THSD4: variants seen among roughly 807,000 people sequenced by gnomAD.
The protein encoded by THSD4 is thrombospondin type-1 domain-containing protein 4.
THSD4 carries 69 observed loss-of-function variants against 119.0 expected under a neutral mutation model. The observed-to-expected ratio is 0.58, with a 90% CI of 0.48 to 0.71. The LOEUF (loss-of-function observed/expected upper bound fraction) is 0.71, where lower values mean the gene tolerates loss of function less well. Ranked by LOEUF, THSD4 falls within the 30% of genes least tolerant of loss-of-function variation. THSD4 has a pLI of 0.00. For synonymous variants in THSD4, 524 were observed against 540.4 expected, an observed-to-expected ratio of 0.97 and a Z score of 0.42; for missense variants, 1,393 against 1,391.1, an observed-to-expected ratio of 1.00 and a Z score of -0.02.
At chr15:71,246,041 T>TTATGTAAG (rs2044196990) in intron 5 of THSD4, among the ~76,000 whole-genome samples, 1 of 152,114 alleles carries the variant, frequency 6.6e-6, no homozygotes, top group Non-Finnish European at 1.5e-5. Flanking sequence ...AATGACCCAA[T>TTATGTAAG]TATGTAAGTA....
At chr15:71,297,933 C>T (rs1160225978) in intron 6 of THSD4, among the ~76,000 whole-genome samples, 1 of 152,078 alleles carries the variant, frequency 6.6e-6, no homozygotes, top group Non-Finnish European at 1.5e-5. Context: ...TCCTTTGATG[C>T]ACAAAAATTT....
At chr15:71,506,901 G>A (rs1467918054) in intron 7 of THSD4, among the ~76,000 whole-genome samples, 1 of 152,236 alleles carries the variant, frequency 6.6e-6, no homozygotes, top group African/African-American at 2.4e-5. Flanking sequence ...AATGTTATCA[G>A]TGTGCCATGC....
At chr15:71,755,134 C>G (rs1323134173) in intron 14 of THSD4, among the ~76,000 whole-genome samples, 1 of 152,228 alleles carries the variant, frequency 6.6e-6, no homozygotes, top group Non-Finnish European at 1.5e-5. Context: ...GCAGAGAGCT[C>G]TTCCTGCATC....
intron 6 of THSD4, among the ~76,000 whole-genome samples, chr15:71,361,784 C>T (rs1188426454): frequency 6.6e-6 from 1 of 152,132 alleles, no homozygotes; most frequent in Non-Finnish European, 1.5e-5. Flanking sequence ...TATATTTCAT[C>T]CATACAAAGG....
rs866390535 is a variant in THSD4, at chr15:71,372,919, C to T, written c.1016-38768C>T. On this transcript the variant is annotated intron_variant, in intron 6 of 17. Transcript: ENST00000261862. The stretch of plus-strand genomic sequence containing the variant: ...GCAGGCCTCCTTGAGCTGCGGTGGG[C>T]TCCACCCAGTTCCAGCTTCCTGGCT... Among the ~76,000 whole-genome samples, 43 of 152,358 alleles carry T rather than the reference C, an allele frequency of 2.8e-4. No homozygotes were observed. The Middle Eastern group carries it at 0.01, about 36-fold the overall frequency.
chr15:71,552,924 G>A (rs544934710), intron 7 of THSD4, among the ~76,000 whole-genome samples: 1 of 152,092 alleles, frequency 6.6e-6, no homozygotes, highest in Non-Finnish European at 1.5e-5. Flanking sequence ...ATGAGCCACC[G>A]CACCAGCCTA....
intron 6 of THSD4, among the ~76,000 whole-genome samples, chr15:71,302,464 C>G (rs1567187775): frequency 6.6e-6 from 1 of 152,130 alleles, no homozygotes; most frequent in Non-Finnish European, 1.5e-5. Context: ...TGGGTTGCTG[C>G]TCAGAGCCGG....
chr15:71,154,405 A>G (rs2040755870), intron 2 of THSD4, among the ~76,000 whole-genome samples: 1 of 152,174 alleles, frequency 6.6e-6, no homozygotes, highest in South Asian at 2.1e-4. Context: ...CTGTAAGGAG[A>G]GGAACTTCCC....
In THSD4 at chr15:71,314,417, C is replaced by T. The variant is rs192971764; in HGVS notation, c.1015+57702C>T. On this transcript the variant is annotated intron_variant, in intron 6 of 17. Transcript: ENST00000261862. ...TGACTCCTGGGTCCAAGCGATTCTC[C>T]TGCCTCAGCCTCCCAGGTAGCTGGG... Among the ~76,000 whole-genome samples the T allele has an allele frequency of 4.2e-3, 641 of 152,248 alleles. 12 individuals are homozygous for T. Among genetic ancestry groups the T allele is most frequent in the African/African-American group, 0.014 (592 of 41,536 alleles).
At chr15:71,466,344 C>CA (rs66981958) in intron 7 of THSD4, among the ~76,000 whole-genome samples, 3,981 of 117,318 alleles carry the variant, frequency 0.034, 147 homozygotes, top group Admixed American at 0.081. Context: ...GACTCCATCT[C>CA]AAAAAAAAAA....
At position 71,589,723 on chromosome 15, in the gene THSD4, G is replaced by C. The variant is rs1009082109; in HGVS notation, c.1153-70807G>C. Among the ~76,000 whole-genome samples, 5 of 139,318 alleles carry C rather than the reference G, an allele frequency of 3.6e-5. 2 individuals carry two copies. Among genetic ancestry groups the C allele is most frequent in the Non-Finnish European group, 8.2e-5 (5 of 61,244 alleles). 91.4% of individuals were successfully genotyped at this position (139,318 alleles called of 152,430 possible). On this transcript the variant is annotated intron_variant, in intron 7 of 17. Coordinates refer to ENST00000261862, the MANE Select transcript of THSD4 (RefSeq NM_024817.3). ...AAAAATACTACCCAGAAAATCCCTT[G>C]TACATGTGTGCACAGAGACGAGTAC...
chr15:71,326,689 AAAAAAAAAAAAATATATAT>A, intron 6 of THSD4, among the ~76,000 whole-genome samples: 1 of 53,426 alleles, frequency 1.9e-5, no homozygotes, highest in African/African-American at 7.2e-5. Flanking sequence ...AAAAAAAAAA[AAAAAAAAAAAAATATATAT>A]ATATATATAT....
chr15:71,582,962 C>T (rs748851652), intron 7 of THSD4, among the ~76,000 whole-genome samples: 21 of 152,208 alleles, frequency 1.4e-4, no homozygotes, highest in Non-Finnish European at 2.9e-4. Context: ...TGGAAATGCT[C>T]TCTCCCTTTC....
At chr15:71,190,291 G>A (rs1426237174) in intron 3 of THSD4, among the ~76,000 whole-genome samples, 10 of 152,208 alleles carry the variant, frequency 6.6e-5, no homozygotes, top group South Asian at 2.1e-4. Context: ...TTTGTGGAAC[G>A]TGTGCCTTAA....
At chr15:71,263,160 T>G (rs1275851035) in intron 6 of THSD4, among the ~76,000 whole-genome samples, 1 of 152,046 alleles carries the variant, frequency 6.6e-6, no homozygotes, top group Non-Finnish European at 1.5e-5. Context: ...GTTGTTCCCC[T>G]GTCTGTGTCC....
rs200061851 is a variant in THSD4 at position 71,322,348 on chromosome 15, G to GA, written c.1015+65639dup. Among the ~76,000 whole-genome samples the GA allele has an allele frequency of 2.6e-5, 4 of 152,038 alleles. No individual in the cohort carries two copies. In the East Asian group the frequency reaches 7.7e-4, roughly 29 times the overall value. On this transcript the variant is annotated intron_variant, in intron 6 of 17. Coordinates refer to ENST00000261862, the MANE Select transcript of THSD4 (RefSeq NM_024817.3). ...TAAAACCATCCAGAAAAATGTGTCA[G>GA]AAAAAAGTGAGGAAATTTAGTCCAA...
At chr15:71,282,843 A>G (rs797001601) in intron 6 of THSD4, among the ~76,000 whole-genome samples, 6 of 152,272 alleles carry the variant, frequency 3.9e-5, no homozygotes, top group African/African-American at 1.4e-4. Flanking sequence ...GCCCTATAAC[A>G]GAGTACCCTA....
At chr15:71,743,709 A>G (rs1168058622) in intron 11 of THSD4, among the ~76,000 whole-genome samples, 2 of 152,254 alleles carry the variant, frequency 1.3e-5, no homozygotes, top group Non-Finnish European at 2.9e-5. Context: ...TAATTTAAAC[A>G]AATGATCGTT....
chr15:71,736,225 CTCTCTCTTGCTCTCTCTCCA>C (rs1331664028), intron 10 of THSD4, among the ~76,000 whole-genome samples: 1 of 150,204 alleles, frequency 6.7e-6, no homozygotes, highest in East Asian at 2.0e-4. Flanking sequence ...CTGTCTCTGT[CTCTCTCTTGCTCTCTCTCCA>C]TCTCTCTTGC....
Sources: allele counts gnomAD v4.1 joint callset (sites outside exome capture counted in the v4.1 genomes callset), GRCh38; gene constraint gnomAD v4.1.1; transcripts MANE v1.5; gene names NCBI Gene and HGNC (gene_info 2026-07-23, HGNC 2026-07-21).